Variants in FBXO31 observed in about 807,000 individuals in gnomAD.
FBXO31 encodes F-box protein 31.
FBXO31 carries 24 observed loss-of-function variants against 54.4 expected under a neutral mutation model. The ratio of observed to expected loss-of-function variants is 0.44; its 90% CI spans 0.32 to 0.62. FBXO31 has a LOEUF of 0.62. Ranked by LOEUF, FBXO31 falls within the 20% of genes least tolerant of loss-of-function variation. FBXO31 has a pLI of 0.05. For synonymous variants in FBXO31, 388 were observed against 335.6 expected (o/e 1.16, Z -1.71); for missense variants, 665 against 787.1 (o/e 0.84, Z 1.86).
At chr16:87,377,215 C>T (rs1270802970) in intron 1 of FBXO31, among the ~76,000 whole-genome samples, 2 of 152,172 alleles carry the variant, frequency 1.3e-5, no homozygotes, top group Non-Finnish European at 2.9e-5. Context: ...GAGGCCGAGG[C>T]GGGCGGACCA....
upstream of FBXO31, among the ~76,000 whole-genome samples, chr16:87,387,569 G>T (rs1019190062): frequency 3.2e-4 from 48 of 152,176 alleles, no homozygotes; most frequent in African/African-American, 1.1e-3. Context: ...CCAGCACTTT[G>T]GGAGGCCGAG....
At position 87,373,400 on chromosome 16, in the gene FBXO31, C is replaced by T. The variant is rs574335528; in HGVS notation, c.340+10005G>A. ...CCAGGAGGTGGAGCTTGCAGTGAGC[C>T]GAGATCGCGCCACTGCACTCCAGCC... On this transcript the variant is annotated intron_variant, in intron 1 of 8. Coordinates refer to ENST00000311635, the MANE Select transcript of FBXO31 (RefSeq NM_024735.5). 1.7e-3 allele frequency among the ~76,000 whole-genome samples: 252 copies of T among 152,088 alleles called. 1 individual carries two copies. The highest frequency in any genetic ancestry group is 2.3e-3 in the Non-Finnish European group (158 of 67,972).
At position 87,343,769 on chromosome 16, in the gene FBXO31, CAGG is replaced by C. The variant is rs773844606; in HGVS notation, c.490-7_490-5del. ...CGATGATGAACAGGCCGTCCACCTA[CAGG>C]AGGAGATGGGCAAAGGTCCATGAGT... On this transcript the variant is annotated splice_region_variant and splice_polypyrimidine_tract_variant and intron_variant, in intron 3 of 8. Coordinates refer to ENST00000311635, the MANE Select transcript of FBXO31 (RefSeq NM_024735.5). 2.9e-4 allele frequency: 474 copies of C among 1,614,090 alleles called. 1 individual carries two copies. The highest frequency in any genetic ancestry group is 4.3e-4 in the Admixed American group (26 of 60,022).
intron 2 of FBXO31, among the ~76,000 whole-genome samples, chr16:87,352,934 C>CT (rs1905729005): frequency 6.6e-6 from 1 of 152,250 alleles, no homozygotes; most frequent in African/African-American, 2.4e-5. Flanking sequence ...GTCCCTGAAC[C>CT]TTGGCCCACG....
At chr16:87,357,182 A>T (rs1905927886) in intron 2 of FBXO31, among the ~76,000 whole-genome samples, 1 of 151,986 alleles carries the variant, frequency 6.6e-6, no homozygotes, top group Admixed American at 6.6e-5. Flanking sequence ...GAGTTCAAGG[A>T]TACAATGAGC....
At chr16:87,370,356 A>T (rs1338365441) in intron 1 of FBXO31, among the ~76,000 whole-genome samples, 1 of 152,230 alleles carries the variant, frequency 6.6e-6, no homozygotes, top group Non-Finnish European at 1.5e-5. Flanking sequence ...GGGGGACTGC[A>T]GTAAGAAGGC....
intron 5 of FBXO31, among the ~76,000 whole-genome samples, chr16:87,342,312 C>T (rs531094513): frequency 6.6e-6 from 1 of 152,298 alleles, no homozygotes; most frequent in South Asian, 2.1e-4. Flanking sequence ...GCCTCAGCCT[C>T]CCAAAGAGCT....
chr16:87,379,482 G>A (rs1384849963), intron 1 of FBXO31, among the ~76,000 whole-genome samples: 1 of 152,148 alleles, frequency 6.6e-6, no homozygotes, highest in South Asian at 2.1e-4. Flanking sequence ...CCCTGAAAGG[G>A]GAACAATAAA....
upstream of FBXO31, chr16:87,386,073 G>C (rs1907318690): frequency 1.3e-5 from 2 of 152,174 alleles, 1 homozygote; most frequent in South Asian, 4.1e-4. Context: ...AGTAGGCGAG[G>C]CCAGGAAGGG....
upstream of FBXO31, among the ~76,000 whole-genome samples, chr16:87,390,532 C>G (rs891809314): frequency 7.3e-5 from 11 of 151,654 alleles, no homozygotes; most frequent in Non-Finnish European, 1.2e-4. Flanking sequence ...CCTCTGCCTT[C>G]CGGTTTCAAG....
chr16:87,351,855 C>T (rs935750718), intron 2 of FBXO31, among the ~76,000 whole-genome samples: 11 of 152,080 alleles, frequency 7.2e-5, no homozygotes, highest in African/African-American at 2.2e-4. Flanking sequence ...GGCGACAGAC[C>T]GAGACTCTGT....
At chr16:87,373,321 G>C (rs867136087) in intron 1 of FBXO31, among the ~76,000 whole-genome samples, 1 of 151,910 alleles carries the variant, frequency 6.6e-6, no homozygotes, top group Non-Finnish European at 1.5e-5. Context: ...GCATGGTGTC[G>C]GGTGCCTGTA....
chr16:87,337,684 G>A (rs1461108926), intron 5 of FBXO31, among the ~76,000 whole-genome samples: 1 of 145,344 alleles, frequency 6.9e-6, no homozygotes, highest in Non-Finnish European at 1.6e-5. Context: ...AAGGTTTTCA[G>A]CAAGGTGCTC....
chr16:87,385,902 T>G (rs890865383), upstream of FBXO31: 1 of 151,988 alleles, frequency 6.6e-6, no homozygotes, highest in African/African-American at 2.4e-5. Flanking sequence ...TCCCAGCTAC[T>G]CAGGAGGCTG....
In FBXO31 at chr16:87,335,408, C is replaced by T. The variant is rs775921137; in HGVS notation, c.892G>A (p.Asp298Asn). 3 of 1,613,790 alleles carry T rather than the reference C, an allele frequency of 1.9e-6. No individual in the cohort carries two copies. Among genetic ancestry groups the T allele is most frequent in the South Asian group, 1.1e-5 (1 of 91,062 alleles). ...RIYLPPSRPD[D>N]LIKPGLFKGT... is the part of the protein sequence containing the mutation. The stretch of plus-strand genomic sequence containing the variant: ...TTGAAGAGGCCAGGCTTGATGAGGT[C>T]GTCGGGGCGGCTGGGCGGCAGGTAG... The change falls in exon 7 of 9, where the codon GAC becomes AAC. Residue 298 changes from aspartate (D) to asparagine (N), a missense_variant. By Grantham distance (23) the Asp-to-Asn change is conservative. This residue lies in a region of FBXO31 where 234 missense variants were observed against 346.8 expected (regional missense o/e 0.67). Transcript: ENST00000311635. This position sits in a 1 kb window ranked among gnomAD's most constrained non-coding sequence, Gnocchi z 5.7.
At chr16:87,379,500 T>C (rs2150698504) in intron 1 of FBXO31, among the ~76,000 whole-genome samples, 1 of 152,304 alleles carries the variant, frequency 6.6e-6, no homozygotes, top group East Asian at 1.9e-4. Flanking sequence ...AAATGTTAAT[T>C]ACCTGCAGGT....
Position 87,329,145 on chromosome 16 carries a change from G to A in FBXO31, c.*2143C>T, listed in dbSNP as rs1904751778. ...TCACGACTGAAGGGACTGGCTGTGC[G>A]GCCAAAAAGGCCTCCCTTTCCTGGC... On this transcript the variant is annotated 3_prime_UTR_variant, in exon 9 of 9. Coordinates refer to ENST00000311635, the MANE Select transcript of FBXO31 (RefSeq NM_024735.5). 1 of 152,494 alleles carries A rather than the reference G, an allele frequency of 6.6e-6. No homozygotes were observed. Among genetic ancestry groups the A allele is most frequent in the East Asian group, 1.9e-4 (1 of 5,172 alleles). The allele number at this position is 152,494 out of a possible 1,614,324, so 9.4% of individuals were successfully genotyped here.
intron 1 of FBXO31, among the ~76,000 whole-genome samples, chr16:87,373,747 C>T (rs1680324917): frequency 6.6e-6 from 1 of 152,146 alleles, no homozygotes; most frequent in Non-Finnish European, 1.5e-5. Flanking sequence ...CCCGAGATGA[C>T]CCCTCCAGTT....
chr16:87,348,945 A>C (rs1362626700), intron 2 of FBXO31, among the ~76,000 whole-genome samples: 2 of 152,234 alleles, frequency 1.3e-5, no homozygotes, highest in Non-Finnish European at 2.9e-5. Flanking sequence ...ACTCGGTAGG[A>C]GGAGCAGCAG....
Sources: gnomAD v4.1 joint callset for allele counts (sites outside exome capture counted in the v4.1 genomes callset) on GRCh38, gnomAD v4.1.1 for gene constraint, gnomAD v4.1.1 regional missense constraint, Gnocchi (gnomAD v3.1) non-coding constraint, MANE v1.5 for transcripts, NCBI Gene and HGNC (gene_info 2026-07-23, HGNC 2026-07-21) for gene names.